Variants in PRAMEF2 observed in about 807,000 individuals in gnomAD.
The protein encoded by PRAMEF2 is PRAME family member 2.
In PRAMEF2, 35 loss-of-function variants were observed where a neutral mutation model predicts 38.0. The ratio of observed to expected loss-of-function variants is 0.92; its 90% confidence interval spans 0.70 to 1.22. The LOEUF (loss-of-function observed/expected upper bound fraction) is 1.22, where lower values mean the gene tolerates loss of function less well. Ranked by LOEUF, PRAMEF2 falls within the 50% of genes most tolerant of loss-of-function variation. The pLI, the probability that PRAMEF2 is intolerant of heterozygous loss-of-function variation, is 0.00. For missense variants in PRAMEF2, 562 were observed against 553.9 expected (o/e 1.01, Z -0.15); for synonymous variants, 240 against 232.4 (o/e 1.03, Z -0.30).
chr1:12,858,917 C>T, intron 1 of PRAMEF2, 68 bp from the exon 2 acceptor site: 4 of 1,507,714 alleles, frequency 2.7e-6, no homozygotes, highest in Non-Finnish European at 1.8e-6. Flanking sequence ...TGATATTGGT[C>T]CTAGGAGAAG....
intron 2 of PRAMEF2, 113 bp downstream of exon 2, chr1:12,859,409 C>A: frequency 6.4e-7 from 1 of 1,552,018 alleles, no homozygotes; most frequent in Non-Finnish European, 8.8e-7. Context: ...ATGGTGTTGG[C>A]GAGGAAGCTC....
intron 2 of PRAMEF2, 60 bp downstream of exon 2, chr1:12,859,356 G>C: frequency 1.9e-6 from 3 of 1,605,190 alleles, no homozygotes; most frequent in Non-Finnish European, 2.5e-6. Flanking sequence ...AGAACAGCAG[G>C]GTCAGGCAGA....
At position 12,859,841 on chromosome 1, in the gene PRAMEF2, C is replaced by T. The variant is rs746844533; in HGVS notation, c.436C>T (p.Pro146Ser). The T allele has an allele frequency of 2.5e-6, 4 of 1,607,286 alleles. No individual in the cohort carries two copies. In the African/African-American group the frequency reaches 4.0e-5, roughly 16 times the overall value. ...EDCPRTGEHQ[P>S]LKVFIDICLK... ...CTGTCCAAGGACGGGAGAGCACCAG[C>T]CCTTAAAGGTGTTCATAGACATCTG... is the stretch of plus-strand genomic sequence containing the variant. The change falls in exon 3 of 4, where the codon CCC (proline) becomes TCC (serine). Residue 146 changes from proline (P) to serine (S), a missense_variant. Around this residue, in one of 2 missense-constraint regions of PRAMEF2, gnomAD observed 486 missense variants for 444.2 expected, o/e 1.09. Coordinates refer to ENST00000240189, the MANE Select transcript of PRAMEF2 (RefSeq NM_023014.1).
chr1:12,859,388 A>C (rs1467586674), intron 2 of PRAMEF2, 92 bp downstream of exon 2: 3 of 1,592,912 alleles, frequency 1.9e-6, no homozygotes, highest in Non-Finnish European at 2.6e-6. Flanking sequence ...AGTGCGGCCC[A>C]GAGTCTTCTG....
rs1640492997 is a variant in PRAMEF2 at position 12,859,037 on chromosome 1, C to T, written c.28C>T (p.Leu10=). MSIQAPPRL[L]ELAGQSLLRD... ...GAGCATCCAGGCCCCACCGAGACTA[C>T]TGGAGCTGGCGGGGCAGAGCCTGCT... is the stretch of plus-strand genomic sequence containing the variant. Residue 10 remains leucine (L), a synonymous_variant, in exon 2 of 4, where the codon CTG becomes TTG. Transcript: ENST00000240189. 3 of 1,604,402 alleles carry T rather than the reference C, an allele frequency of 1.9e-6. No individual in the cohort carries two copies. Among genetic ancestry groups the T allele is most frequent in the Non-Finnish European group, 2.6e-6 (3 of 1,176,418 alleles).
rs2743661 is a variant in PRAMEF2 at position 12,861,713 on chromosome 1, C to T, written c.1359C>T (p.Gly453=). 1.0e-5 allele frequency: 16 copies of T among 1,585,876 alleles called. 1 individual carries two copies. In the East Asian group the frequency reaches 2.0e-4, roughly 20 times the overall value. ...GGCAGCCCAAGAGGATCTTCATTGG[C>T]CCCACCCCCTGCCCTTCCTGTGGCT... ...EFRQPKRIFI[G]PTPCPSCGSS... Residue 453 remains glycine (G), a synonymous_variant, in exon 4 of 4, where the codon GGC becomes GGT. Coordinates refer to ENST00000240189, the MANE Select transcript of PRAMEF2 (RefSeq NM_023014.1).
chr1:12,859,873 G>A lies in PRAMEF2; in HGVS notation c.468G>A (p.Lys156=), dbSNP rs778161686. The A allele has an allele frequency of 1.2e-6, 2 of 1,608,074 alleles. No individual in the cohort carries two copies. Among genetic ancestry groups the A allele is most frequent in the South Asian group, 2.2e-5 (2 of 90,830 alleles). The change falls in exon 3 of 4, where the codon AAG becomes AAA. Residue 156 remains lysine, a synonymous_variant. Transcript: ENST00000240189. Reference sequence around the variant, plus strand: ...AGGTGTTCATAGACATCTGCCTCAAGGAAATACCCCAGGATGAATGCCTGA... The same window carrying A: ...AGGTGTTCATAGACATCTGCCTCAAAGAAATACCCCAGGATGAATGCCTGA... ...PLKVFIDICL[K]EIPQDECLRY...
rs1466451610 is a variant in PRAMEF2 at position 12,859,835 on chromosome 1, C to A, written c.430C>A (p.His144Asn). 2.5e-6 allele frequency: 4 copies of A among 1,607,358 alleles called. No homozygotes were observed. In the African/African-American group the frequency reaches 5.4e-5, roughly 22 times the overall value. Residue 144 changes from histidine to asparagine, a missense_variant, in exon 3 of 4, where the codon CAC becomes AAC. Coordinates refer to ENST00000240189, the MANE Select transcript of PRAMEF2 (RefSeq NM_023014.1). ...AGAGGACTGTCCAAGGACGGGAGAG[C>A]ACCAGCCCTTAAAGGTGTTCATAGA... ...TAEDCPRTGE[H>N]QPLKVFIDIC...
At position 12,861,692 on chromosome 1, in the gene PRAMEF2, G is replaced by T; in HGVS notation, c.1338G>T (p.Gln446His). ...ELMCTLREFR[Q>H]PKRIFIGPTP... ...TGTGTACACTGAGGGAATTCAGGCA[G>T]CCCAAGAGGATCTTCATTGGCCCCA... The change falls in exon 4 of 4, where the codon CAG becomes CAT. Residue 446 changes from glutamine to histidine, a missense_variant. Transcript: ENST00000240189. 1 of 1,566,554 alleles carries T rather than the reference G, an allele frequency of 6.4e-7. No homozygotes were observed. Among genetic ancestry groups the T allele is most frequent in the Non-Finnish European group, 8.7e-7 (1 of 1,148,990 alleles).
chr1:12,859,092 T>G lies in PRAMEF2; in HGVS notation c.83T>G (p.Met28Arg), dbSNP rs1288185619. Reference protein sequence around the residue: ...LRDQALSISAMEELPRVLYLP... With the variant: ...LRDQALSISAREELPRVLYLP... ...GACCAGGCCTTGTCCATCTCTGCCA[T>G]GGAGGAGCTGCCCAGGGTGCTCTAT... The change falls in exon 2 of 4, where the codon ATG (methionine) becomes AGG (arginine). Residue 28 changes from methionine to arginine, a missense_variant. Met to Arg is a moderately conservative substitution (Grantham distance 91). Transcript: ENST00000240189. 23 of 1,604,444 alleles carry G rather than the reference T, an allele frequency of 1.4e-5. 2 individuals carry two copies. Among genetic ancestry groups the G allele is most frequent in the Non-Finnish European group, 2.0e-5 (23 of 1,176,510 alleles).
Position 12,858,899 on chromosome 1 carries a change from C to G in PRAMEF2, c.-25-86C>G, listed in dbSNP as rs778210603. 4 of 1,448,628 alleles carry G rather than the reference C, an allele frequency of 2.8e-6. 1 individual carries two copies. In the South Asian group the frequency reaches 5.3e-5, roughly 19 times the overall value. The allele number at this position is 1,448,628 out of a possible 1,614,324, so 89.7% of individuals were successfully genotyped here. A position where few individuals can be genotyped will look rare whatever the true frequency, so the allele number is the denominator to read the frequency against. On this transcript the variant is annotated intron_variant, in intron 1 of 3. Transcript: ENST00000240189. ...AAAGTGGTAATTTTTCTACCTCTAC[C>G]AGAGCAATGATATTGGTCCTAGGAG...
Position 12,861,693 on chromosome 1 carries a change from C to G in PRAMEF2, c.1339C>G (p.Pro447Ala), listed in dbSNP as rs1188120888. ...LMCTLREFRQ[P>A]KRIFIGPTPC... Reference sequence around the variant, plus strand: ...GTGTACACTGAGGGAATTCAGGCAGCCCAAGAGGATCTTCATTGGCCCCAC... The same window carrying G: ...GTGTACACTGAGGGAATTCAGGCAGGCCAAGAGGATCTTCATTGGCCCCAC... Residue 447 changes from proline (P) to alanine (A), a missense_variant, in exon 4 of 4, where the codon CCC becomes GCC. Transcript: ENST00000240189. 1 of 1,568,264 alleles carries G rather than the reference C, an allele frequency of 6.4e-7. No individual in the cohort carries two copies. The highest frequency in any genetic ancestry group is 8.7e-7 in the Non-Finnish European group (1 of 1,150,514).
At position 12,859,926 on chromosome 1, in the gene PRAMEF2, G is replaced by T; in HGVS notation, c.521G>T (p.Arg174Met). The T allele has an allele frequency of 6.2e-7, 1 of 1,608,582 alleles. No individual in the cohort carries two copies. The highest frequency in any genetic ancestry group is 8.5e-7 in the Non-Finnish European group (1 of 1,177,334). The change falls in exon 3 of 4, where the codon AGG becomes ATG. Residue 174 changes from arginine (R) to methionine (M), a missense_variant. By Grantham distance (91) the Arg-to-Met change is moderately conservative. Around this residue, in one of 2 missense-constraint regions of PRAMEF2, gnomAD observed 486 missense variants for 444.2 expected, o/e 1.09. Coordinates refer to ENST00000240189, the MANE Select transcript of PRAMEF2 (RefSeq NM_023014.1). Reference protein sequence around the residue: ...LRYLFQWVYQRRGLVHLCCSK... With the variant: ...LRYLFQWVYQMRGLVHLCCSK... ...TACCTCTTCCAGTGGGTTTACCAAA[G>T]GAGAGGTTTAGTACACCTGTGCTGT...
At chr1:12,861,027 A>G (rs1287126992) in intron 3 of PRAMEF2, among the ~76,000 whole-genome samples, 194 bp from the exon 4 acceptor site, 1 of 149,822 alleles carries the variant, frequency 6.7e-6, no homozygotes, top group East Asian at 1.9e-4. Context: ...GCAATGGTGA[A>G]AGGGCTGAGG....
chr1:12,859,368 A>G, intron 2 of PRAMEF2, 72 bp downstream of exon 2: 1 of 1,602,636 alleles, frequency 6.2e-7, no homozygotes, highest in Non-Finnish European at 8.5e-7. Context: ...TCAGGCAGAG[A>G]AGTAACCCAA....
intron 1 of PRAMEF2, among the ~76,000 whole-genome samples, chr1:12,858,776 T>A (rs1336143064): frequency 6.7e-6 from 1 of 149,724 alleles, no homozygotes; most frequent in African/African-American, 2.5e-5. Flanking sequence ...AATGGTCTCT[T>A]TGACCCCTCC....
At chr1:12,860,897 A>T (rs1640536073) in intron 3 of PRAMEF2, among the ~76,000 whole-genome samples, 1 of 149,676 alleles carries the variant, frequency 6.7e-6, no homozygotes, top group Non-Finnish European at 1.5e-5. Context: ...GACCTTGCTG[A>T]GTTGAGTTCT....
rs185148144 is a variant in PRAMEF2, at chr1:12,860,294, G to A, written c.866+23G>A. 830 of 1,603,780 alleles carry A rather than the reference G, an allele frequency of 5.2e-4. 87 individuals carry two copies. The Admixed American group carries it at 0.01, about 20-fold the overall frequency. On this transcript the variant is annotated intron_variant, in intron 3 of 3. Transcript: ENST00000240189. ...CAGGTGAGAAAGGATTGTGCACTTTGTATGCAGACCACAGCACAGACTTGT... is the reference window on the plus strand; with the variant it reads ...CAGGTGAGAAAGGATTGTGCACTTTATATGCAGACCACAGCACAGACTTGT...
chr1:12,858,243 A>T (rs1193338279), intron 1 of PRAMEF2, among the ~76,000 whole-genome samples: 1 of 149,778 alleles, frequency 6.7e-6, no homozygotes, highest in African/African-American at 2.5e-5. Flanking sequence ...GCTAATATTT[A>T]AATTAATTAA....
Sources: allele counts gnomAD v4.1 joint callset (sites outside exome capture counted in the v4.1 genomes callset), GRCh38; gene constraint gnomAD v4.1.1; regional missense constraint gnomAD v4.1.1; transcripts MANE v1.5; gene names NCBI Gene and HGNC (gene_info 2026-07-23, HGNC 2026-07-21).